The following IGSF21 variants were observed in gnomAD, a reference collection of about 807,000 sequenced individuals.
IGSF21 encodes immunoglobulin superfamily member 21.
In IGSF21, 28 loss-of-function variants were observed where a neutral mutation model predicts 46.8. That is an observed-to-expected ratio of 0.60 (90% CI 0.44 to 0.82). The LOEUF (loss-of-function observed/expected upper bound fraction) is 0.82, where lower values mean the gene tolerates loss of function less well. Ranked by LOEUF, IGSF21 falls within the 40% of genes least tolerant of loss-of-function variation. IGSF21 has a pLI of 0.00. For missense variants in IGSF21, 624 were observed against 665.5 expected (o/e 0.94, Z 0.69); for synonymous variants, 284 against 273.6 (o/e 1.04, Z -0.38).
intron 1 of IGSF21, among the ~76,000 whole-genome samples, chr1:18,156,114 G>A (rs1180181175): frequency 6.6e-6 from 1 of 152,210 alleles, no homozygotes; most frequent in East Asian, 1.9e-4. Flanking sequence ...TGCGGGGAGG[G>A]CCTGGGCTTC....
At position 18,108,192 on chromosome 1, in the gene IGSF21, G is replaced by A; in HGVS notation, c.64G>A (p.Ala22Thr). 7.0e-7 allele frequency: 1 copy of A among 1,431,308 alleles called. No homozygotes were observed. Among genetic ancestry groups the A allele is most frequent in the South Asian group, 1.4e-5 (1 of 72,120 alleles). 88.7% of individuals were successfully genotyped at this position (1,431,308 alleles called of 1,614,324 possible). A position where few individuals can be genotyped will look rare whatever the true frequency, so the allele number is the denominator to read the frequency against. The change falls in exon 1 of 10, where the codon GCG becomes ACG. Residue 22 changes from alanine (A) to threonine (T), a missense_variant. Transcript: ENST00000251296. ...GCTGCTCGCCGCGATCCTGGACCTGGCGCGCGGTGAGTGCGCGGGCGCCTG... is the reference window on the plus strand; with the variant it reads ...GCTGCTCGCCGCGATCCTGGACCTGACGCGCGGTGAGTGCGCGGGCGCCTG... ...CLLLAAILDLARGYLTVNIEP... is the reference protein window; with the variant it reads ...CLLLAAILDLTRGYLTVNIEP...
intron 7 of IGSF21, 66 bp from the exon 8 acceptor site, chr1:18,376,734 G>GA: frequency 6.7e-7 from 1 of 1,483,018 alleles, no homozygotes; most frequent in Non-Finnish European, 9.2e-7. Context: ...GGCAGCCCCT[G>GA]ACCCCTTGCT....
chr1:18,129,314 G>A (rs11261068), intron 1 of IGSF21, among the ~76,000 whole-genome samples: 44,223 of 151,918 alleles, frequency 0.29, 6,584 homozygotes, highest in Non-Finnish European at 0.33. Context: ...GCAGGGAAAT[G>A]AGAGGTGGGA....
chr1:18,371,571 CA>C (rs35847424), intron 6 of IGSF21, among the ~76,000 whole-genome samples: 8,833 of 119,334 alleles, frequency 0.074, 237 homozygotes, highest in Middle Eastern at 0.12. Flanking sequence ...GACTCCATTT[CA>C]AAAAAAAAAA....
At chr1:18,338,018 G>A (rs1362927209) in intron 4 of IGSF21, among the ~76,000 whole-genome samples, 1 of 152,094 alleles carries the variant, frequency 6.6e-6, no homozygotes, top group African/African-American at 2.4e-5. Context: ...TTCTCATACA[G>A]CATCTCCTGT....
intron 6 of IGSF21, among the ~76,000 whole-genome samples, chr1:18,368,292 T>G (rs867684586): frequency 6.6e-6 from 1 of 150,378 alleles, no homozygotes; most frequent in African/African-American, 2.4e-5. Context: ...GATCATGAGG[T>G]CAGGAGTTCA....
chr1:18,143,743 C>T (rs929253122), intron 1 of IGSF21, among the ~76,000 whole-genome samples: 4 of 152,132 alleles, frequency 2.6e-5, no homozygotes, highest in Admixed American at 6.5e-5. Context: ...CTGGTAGGCC[C>T]GTGCCTTCCC....
chr1:18,327,633 C>G (rs1156830505), intron 3 of IGSF21, among the ~76,000 whole-genome samples: 1 of 152,038 alleles, frequency 6.6e-6, no homozygotes, highest in Admixed American at 6.6e-5. Context: ...GTGGAAGAAA[C>G]CAAGCAAAAC....
chr1:18,345,057 G>C (rs1468371787), intron 4 of IGSF21, among the ~76,000 whole-genome samples: 1 of 152,098 alleles, frequency 6.6e-6, no homozygotes, highest in African/African-American at 2.4e-5. Flanking sequence ...AAACCCCCAG[G>C]GTCTGAGGAC....
At chr1:18,324,683 G>A (rs1466434774) in intron 3 of IGSF21, among the ~76,000 whole-genome samples, 1 of 152,288 alleles carries the variant, frequency 6.6e-6, no homozygotes, top group East Asian at 1.9e-4. Context: ...TACATTCTGT[G>A]CTCACAAGAC....
chr1:18,130,917 A>G (rs2086314768), intron 1 of IGSF21, among the ~76,000 whole-genome samples: 2 of 152,230 alleles, frequency 1.3e-5, no homozygotes, highest in Non-Finnish European at 2.9e-5. Context: ...GCCCTGGAGA[A>G]TACAGCTCTC....
At chr1:18,119,137 C>T (rs79951719) in intron 1 of IGSF21, among the ~76,000 whole-genome samples, 1 of 152,134 alleles carries the variant, frequency 6.6e-6, no homozygotes, top group Non-Finnish European at 1.5e-5. Context: ...CCCTTCCTCC[C>T]TTCTTCCCTT....
rs35847424 is a variant in IGSF21 at position 18,371,571 on chromosome 1, C to CAAA, written c.1016-4726_1016-4724dup. Among the ~76,000 whole-genome samples, 987 of 119,644 alleles carry CAAA rather than the reference C, an allele frequency of 8.2e-3. 15 individuals carry two copies. Among genetic ancestry groups the CAAA allele is most frequent in the African/African-American group, 0.027 (941 of 34,244 alleles). 78.5% of individuals were successfully genotyped at this position (119,644 alleles called of 152,430 possible). A position where few individuals can be genotyped will look rare whatever the true frequency, so the allele number is the denominator to read the frequency against. On this transcript the variant is annotated intron_variant, in intron 6 of 9. Transcript: ENST00000251296. The stretch of plus-strand genomic sequence containing the variant: ...TAGGCAATAGAGTAAGACTCCATTT[C>CAAA]AAAAAAAAAAAAAAATGTTGATCAA...
intron 5 of IGSF21, among the ~76,000 whole-genome samples, chr1:18,363,006 A>G (rs1033596590): frequency 1.3e-5 from 2 of 152,120 alleles, no homozygotes; most frequent in Non-Finnish European, 2.9e-5. Flanking sequence ...CTTTTTTAGT[A>G]GCACGAGGAC....
In IGSF21 at chr1:18,366,592, C is replaced by T. The variant is rs541292388; in HGVS notation, c.1015+895C>T. ...GTTGCAGGCTTTGCTGGATCGGGTT[C>T]GAGAATTCTGAAAGTCATAGGAATT... On this transcript the variant is annotated intron_variant, in intron 6 of 9. Transcript: ENST00000251296. Among the ~76,000 whole-genome samples the T allele has an allele frequency of 7.2e-5, 11 of 152,110 alleles. No individual in the cohort carries two copies. The East Asian group carries it at 1.5e-3, about 21-fold the overall frequency.
chr1:18,275,402 C>T (rs1488164641), intron 2 of IGSF21, among the ~76,000 whole-genome samples: 5 of 152,182 alleles, frequency 3.3e-5, no homozygotes, highest in Admixed American at 1.3e-4. Context: ...TCAGCAATCC[C>T]GTCCCATTCT....
intron 3 of IGSF21, among the ~76,000 whole-genome samples, chr1:18,299,947 A>C (rs1314467154): frequency 6.6e-6 from 1 of 152,126 alleles, no homozygotes; most frequent in East Asian, 1.9e-4. Flanking sequence ...TTTCCCATCA[A>C]CTGGCCAGTG....
chr1:18,132,157 A>C (rs1443536998), intron 1 of IGSF21, among the ~76,000 whole-genome samples: 1 of 123,166 alleles, frequency 8.1e-6, no homozygotes, highest in Non-Finnish European at 1.7e-5. Flanking sequence ...TGTTTATCCA[A>C]TATCTGGATG....
At chr1:18,143,414 T>G (rs1016429737) in intron 1 of IGSF21, among the ~76,000 whole-genome samples, 8 of 152,034 alleles carry the variant, frequency 5.3e-5, no homozygotes, top group Non-Finnish European at 1.5e-5. Flanking sequence ...AAATCACAAA[T>G]CTGAGCACTC....
Sources: allele counts gnomAD v4.1 joint callset (sites outside exome capture counted in the v4.1 genomes callset), GRCh38; gene constraint gnomAD v4.1.1; transcripts MANE v1.5; gene names NCBI Gene and HGNC (gene_info 2026-07-23, HGNC 2026-07-21).